The following MRPL16 variants were observed in gnomAD, a reference collection of about 807,000 sequenced individuals.
MRPL16 encodes large ribosomal subunit protein uL16m.
A neutral mutation model predicts 22.7 loss-of-function variants in MRPL16; 17 were observed. That is an observed-to-expected ratio of 0.75 (90% CI 0.51 to 1.12). The LOEUF is 1.12. Ranked by LOEUF, MRPL16 falls within the 50% of genes most tolerant of loss-of-function variation. The pLI is 0.00. For missense variants in MRPL16, 316 were observed against 328.7 expected (o/e 0.96, Z 0.30); for synonymous variants, 103 against 112.8 (o/e 0.91, Z 0.55).
In MRPL16 at chr11:59,806,631, G is replaced by A. The variant is rs761138442; in HGVS notation, c.472C>T (p.Arg158Cys). The change falls in exon 4 of 4, where the codon CGC (arginine) becomes TGC (cysteine). Residue 158 changes from arginine to cysteine, a missense_variant. Transcript: ENST00000300151. The stretch of plus-strand genomic sequence containing the variant: ...CGCCCACCCATCTCTACAACAAGGC[G>A]GCCAGCCTTCACAGGTGTCACGTAG... ...DHYVTPVKAGRLVVEMGGRCE... is the reference protein window; with the variant it reads ...DHYVTPVKAGCLVVEMGGRCE... 5.0e-6 allele frequency: 8 copies of A among 1,614,096 alleles called. No homozygotes were observed. The South Asian group carries it at 7.7e-5, about 16-fold the overall frequency.
intron 3 of MRPL16, 77 bp from the exon 4 acceptor site, chr11:59,806,909 G>C: frequency 6.6e-7 from 1 of 1,516,522 alleles, no homozygotes; most frequent in Non-Finnish European, 8.9e-7. Context: ...GTCTCTTCTA[G>C]TAACTGTGGC....
rs1168984920 is a variant in MRPL16, at chr11:59,806,643, CAGGTGTCACGT to C, written c.449_459del (p.Tyr150CysfsTer15). ...TCTACAACAAGGCGGCCAGCCTTCA[CAGGTGTCACGT>C]AGTGGTCAATAGCACCTTTGCCTCC... On this transcript the variant is annotated frameshift_variant, in exon 4 of 4. Transcript: ENST00000300151. LOFTEE classifies it high-confidence loss of function. The C allele has an allele frequency of 6.2e-7, 1 of 1,614,244 alleles. No individual in the cohort carries two copies. The highest frequency in any genetic ancestry group is 8.5e-7 in the Non-Finnish European group (1 of 1,180,042).
intron 1 of MRPL16, chr11:59,810,129 C>A: frequency 1.6e-6 from 1 of 634,402 alleles, no homozygotes; most frequent in Non-Finnish European, 2.4e-6. Flanking sequence ...CCTCAGCCTC[C>A]GGACTAGCTG....
Position 59,806,634 on chromosome 11 carries a change from C to T in MRPL16, c.469G>A (p.Gly157Ser). The T allele has an allele frequency of 5.0e-6, 8 of 1,614,264 alleles. No individual in the cohort carries two copies. The highest frequency in any genetic ancestry group is 6.8e-6 in the Non-Finnish European group (8 of 1,180,052). ...CCACCCATCTCTACAACAAGGCGGC[C>T]AGCCTTCACAGGTGTCACGTAGTGG... ...IDHYVTPVKA[G>S]RLVVEMGGRC... Residue 157 changes from glycine (G) to serine (S), a missense_variant, in exon 4 of 4, where the codon GGC becomes AGC. Coordinates refer to ENST00000300151, the MANE Select transcript of MRPL16 (RefSeq NM_017840.4).
Position 59,806,606 on chromosome 11 carries a change from C to T in MRPL16, c.497G>A (p.Arg166His), listed in dbSNP as rs370177555. 54 of 1,614,118 alleles carry T rather than the reference C, an allele frequency of 3.3e-5. No homozygotes were observed. Among genetic ancestry groups the T allele is most frequent in the Middle Eastern group, 1.6e-4 (1 of 6,084 alleles). ...ACCTTGCACTTCTTCAAATTCACAA[C>T]GCCCACCCATCTCTACAACAAGGCG... is the stretch of plus-strand genomic sequence containing the variant. ...AGRLVVEMGG[R>H]CEFEEVQGFL... Residue 166 changes from arginine to histidine, a missense_variant, in exon 4 of 4, where the codon CGT becomes CAT. Coordinates refer to ENST00000300151, the MANE Select transcript of MRPL16 (RefSeq NM_017840.4).
At chr11:59,810,078 T>A (rs985844411) in intron 1 of MRPL16, 158 bp from the exon 2 acceptor site, 5 of 658,080 alleles carry the variant, frequency 7.6e-6, no homozygotes, top group Non-Finnish European at 1.2e-5. Flanking sequence ...CGATCTCGGC[T>A]CACTGCAACC....
rs374828051 is a variant in MRPL16 at position 59,807,682 on chromosome 11, C to T, written c.270+19G>A. The T allele has an allele frequency of 2.1e-5, 34 of 1,600,360 alleles. No homozygotes were observed. In the African/African-American group the frequency reaches 2.2e-4, roughly 10 times the overall value. ...CCCTAGCTTCCATCCCATTGCTGCTCGATGCTGAATTCACTCACCAAGATT... is the reference window on the plus strand; with the variant it reads ...CCCTAGCTTCCATCCCATTGCTGCTTGATGCTGAATTCACTCACCAAGATT... On this transcript the variant is annotated intron_variant, in intron 3 of 3. Transcript: ENST00000300151.
chr11:59,809,729 A>T, intron 2 of MRPL16, 126 bp downstream of exon 2: 2 of 900,362 alleles, frequency 2.2e-6, no homozygotes, highest in Non-Finnish European at 3.4e-6. Flanking sequence ...TGTAAGCTCT[A>T]AAAACATATT....
At position 59,806,880 on chromosome 11, in the gene MRPL16, T is replaced by C. The variant is rs1272868238; in HGVS notation, c.271-48A>G. The C allele has an allele frequency of 2.6e-6, 4 of 1,561,804 alleles. No homozygotes were observed. In the East Asian group the frequency reaches 6.8e-5, roughly 26 times the overall value. ...GAAACACATGCGGACTTCGACATCA[T>C]CTATGGGCTCATTATTTTGTCTCTT... On this transcript the variant is annotated intron_variant, in intron 3 of 3. Transcript: ENST00000300151.
Position 59,809,858 on chromosome 11 carries a change from C to T in MRPL16, c.118G>A (p.Glu40Lys). 1 of 1,612,626 alleles carries T rather than the reference C, an allele frequency of 6.2e-7. No individual in the cohort carries two copies. The highest frequency in any genetic ancestry group is 1.7e-5 in the Admixed American group (1 of 59,882). The change falls in exon 2 of 4, where the codon GAA becomes AAA. Residue 40 changes from glutamate (E) to lysine (K), a missense_variant. Physicochemically the swap from Glu to Lys is moderately conservative, Grantham distance 56. Transcript: ENST00000300151. ...VKTLLPVPSF[E>K]DVSIPEKPKL... ...CAGGAGAAAGACAAGCTCTCACCTT[C>T]AAAACTTGGTACTGGGAGCAGTGTC...
chr11:59,809,491 C>T lies in MRPL16; in HGVS notation c.121+364G>A, dbSNP rs570772715. ...AACTCCTGGCCTCAAGTGATCCACC[C>T]GCCTCCGCCTCCTAAAGTGCTGTGA... On this transcript the variant is annotated intron_variant, in intron 2 of 3. Transcript: ENST00000300151. 42 of 219,304 alleles carry T rather than the reference C, an allele frequency of 1.9e-4. No homozygotes were observed. In the South Asian group the frequency reaches 2.2e-3, roughly 11 times the overall value. The allele number at this position is 219,304 out of a possible 1,614,324, so 13.6% of individuals were successfully genotyped here.
intron 3 of MRPL16, 40 bp from the exon 4 acceptor site, chr11:59,806,872 CG>C (rs1471127139): frequency 1.2e-5 from 19 of 1,582,070 alleles, no homozygotes; most frequent in Non-Finnish European, 1.6e-5. Context: ...ATGCGGACTT[CG>C]ACATCATCTA....
intron 2 of MRPL16, among the ~76,000 whole-genome samples, 189 bp from the exon 3 acceptor site, chr11:59,808,038 C>A (rs931758471): frequency 6.6e-6 from 1 of 152,156 alleles, no homozygotes; most frequent in East Asian, 1.9e-4. Context: ...CCTGCCTTTA[C>A]CTCCCAAAGT....
At position 59,808,173 on chromosome 11, in the gene MRPL16, G is replaced by A. The variant is rs1866133243; in HGVS notation, c.122-324C>T. ...TTAGTGACACTGGAATCTTCTGGCT[G>A]TGACAGTGGCTAATGCAAATGTTTC... is the stretch of plus-strand genomic sequence containing the variant. On this transcript the variant is annotated intron_variant, in intron 2 of 3. Coordinates refer to ENST00000300151, the MANE Select transcript of MRPL16 (RefSeq NM_017840.4). Among the ~76,000 whole-genome samples the A allele has an allele frequency of 2.0e-5, 3 of 152,188 alleles. No individual in the cohort carries two copies. The South Asian group carries it at 6.2e-4, about 31-fold the overall frequency.
At chr11:59,808,489 G>C (rs1325749855) in intron 2 of MRPL16, among the ~76,000 whole-genome samples, 3 of 152,168 alleles carry the variant, frequency 2.0e-5, no homozygotes, top group Admixed American at 1.3e-4. Flanking sequence ...TCAACAAACA[G>C]GATATTAGGC....
chr11:59,806,654 T>C lies in MRPL16; in HGVS notation c.449A>G (p.Tyr150Cys), dbSNP rs751309090. 1.2e-6 allele frequency: 2 copies of C among 1,614,208 alleles called. No individual in the cohort carries two copies. Among genetic ancestry groups the C allele is most frequent in the South Asian group, 1.1e-5 (1 of 91,080 alleles). The change falls in exon 4 of 4, where the codon TAC becomes TGC. Residue 150 changes from tyrosine to cysteine, a missense_variant. Transcript: ENST00000300151. The stretch of plus-strand genomic sequence containing the variant: ...GCGGCCAGCCTTCACAGGTGTCACG[T>C]AGTGGTCAATAGCACCTTTGCCTCC... Reference protein sequence around the residue: ...MGGGKGAIDHYVTPVKAGRLV... With the variant: ...MGGGKGAIDHCVTPVKAGRLV...
chr11:59,809,572 A>G (rs1467677422), intron 2 of MRPL16: 2 of 367,080 alleles, frequency 5.4e-6, no homozygotes, highest in African/African-American at 4.4e-5. Flanking sequence ...GCCAATGACT[A>G]CTGGCTGAGT....
intron 2 of MRPL16, chr11:59,809,576 G>C (rs898001293): frequency 2.7e-6 from 1 of 376,330 alleles, no homozygotes; most frequent in Admixed American, 5.0e-5. Context: ...ATGACTACTG[G>C]CTGAGTGGAC....
intron 2 of MRPL16, 120 bp downstream of exon 2, chr11:59,809,735 A>C: frequency 2.2e-6 from 2 of 893,310 alleles, no homozygotes; most frequent in Non-Finnish European, 3.5e-6. Context: ...CTCTAAAAAC[A>C]TATTTATTGA....
Sources: allele counts gnomAD v4.1 joint callset (sites outside exome capture counted in the v4.1 genomes callset), GRCh38; gene constraint gnomAD v4.1.1; transcripts MANE v1.5; gene names NCBI Gene and HGNC (gene_info 2026-07-23, HGNC 2026-07-21).